The following TTLL4 variants were observed in gnomAD, a reference collection of about 807,000 sequenced individuals.
TTLL4 encodes the protein tubulin monoglutamylase TTLL4.
A neutral mutation model predicts 122.7 loss-of-function variants in TTLL4; 85 were observed. That is an observed-to-expected ratio of 0.69 (90% CI 0.58 to 0.83). The LOEUF is 0.83. TTLL4 is among the 40% of genes least tolerant of loss of function. The probability of loss-of-function intolerance (pLI) is 0.00; values close to 1 mark genes in which losing one functional copy is unlikely to be tolerated. For missense variants in TTLL4, 1,363 were observed against 1,488.6 expected, an observed-to-expected ratio of 0.92 and a Z score of 1.39; for synonymous variants, 553 against 563.0, an observed-to-expected ratio of 0.98 and a Z score of 0.25.
chr2:218,748,066 T>G, intron 11 of TTLL4, 39 bp from the exon 12 acceptor site: 1 of 1,613,806 alleles, frequency 6.2e-7, no homozygotes, highest in Non-Finnish European at 8.5e-7. Context: ...ATCTGCTCTG[T>G]TACCATCTTA....
downstream of TTLL4, among the ~76,000 whole-genome samples, chr2:218,755,835 G>A (rs1943141530): frequency 6.6e-6 from 1 of 152,136 alleles, no homozygotes; most frequent in South Asian, 2.1e-4. Context: ...GTGGCGAGGT[G>A]GGGTGGGGCC....
intron 6 of TTLL4, 66 bp downstream of exon 6, chr2:218,745,299 A>C: frequency 3.7e-6 from 6 of 1,605,038 alleles, no homozygotes; most frequent in Non-Finnish European, 5.1e-6. Flanking sequence ...CTAAGTTGGG[A>C]GGAGGTGGCA....
rs1040824008 is a variant in TTLL4 at position 218,754,659 on chromosome 2, C to G, written c.*270C>G. The stretch of plus-strand genomic sequence containing the variant: ...AGCAGAGAAGCCAGTGGTGGCCACG[C>G]AGCCTTATAAAGCAGGTTTTGGTTT... On this transcript the variant is annotated 3_prime_UTR_variant, in exon 20 of 20. Coordinates refer to ENST00000392102, the MANE Select transcript of TTLL4 (RefSeq NM_014640.5). 27 of 525,778 alleles carry G rather than the reference C, an allele frequency of 5.1e-5. No individual in the cohort carries two copies. Among genetic ancestry groups the G allele is most frequent in the Middle Eastern group, 5.0e-4 (1 of 2,018 alleles). The allele number at this position is 525,778 out of a possible 1,614,324, so 32.6% of individuals were successfully genotyped here.
intron 1 of TTLL4, among the ~76,000 whole-genome samples, chr2:218,726,098 G>A (rs905984861): frequency 1.3e-5 from 2 of 151,982 alleles, no homozygotes; most frequent in African/African-American, 4.8e-5. Context: ...CTTTTAAGAC[G>A]GGTCTGGTGG....
chr2:218,740,454 C>T, intron 4 of TTLL4, 67 bp from the exon 5 acceptor site: 2 of 1,543,592 alleles, frequency 1.3e-6, no homozygotes, highest in South Asian at 2.2e-5. Flanking sequence ...GGAAGAGTTG[C>T]CTAGGCTTGG....
chr2:218,756,195 G>A (rs541902343), downstream of TTLL4, among the ~76,000 whole-genome samples: 61 of 152,312 alleles, frequency 4.0e-4, no homozygotes, highest in South Asian at 0.012. Context: ...CCTAGGCACG[G>A]AGTCCTGGTT....
chr2:218,737,511 G>T, intron 2 of TTLL4, 68 bp from the exon 3 acceptor site: 1 of 813,366 alleles, frequency 1.2e-6, no homozygotes. Flanking sequence ...GCTTACCTGA[G>T]GACCACTGTA....
chr2:218,743,929 T>C (rs969731459), intron 5 of TTLL4, among the ~76,000 whole-genome samples: 4 of 152,220 alleles, frequency 2.6e-5, no homozygotes, highest in African/African-American at 9.6e-5. Context: ...TCCGCCTGCC[T>C]CAGCCTCCCA....
downstream of TTLL4, among the ~76,000 whole-genome samples, chr2:218,757,557 AAG>A (rs1236338363): frequency 1.3e-5 from 2 of 152,194 alleles, no homozygotes; most frequent in East Asian, 1.9e-4. Flanking sequence ...TACAGAAAAT[AAG>A]AGAACTTGAT....
chr2:218,735,038 T>G (rs1942478767), intron 2 of TTLL4, among the ~76,000 whole-genome samples: 1 of 152,192 alleles, frequency 6.6e-6, no homozygotes, highest in Admixed American at 6.5e-5. Flanking sequence ...TTTTGAATAT[T>G]GGCAGTGCTG....
chr2:218,747,398 C>T lies in TTLL4; in HGVS notation c.2249+26C>T. ...GTGAGCCTGTAGCACATATCCCTTA[C>T]CCCATCCTCCCACCTCCTTGGCCTC... On this transcript the variant is annotated intron_variant, in intron 10 of 19. Coordinates refer to ENST00000392102, the MANE Select transcript of TTLL4 (RefSeq NM_014640.5). The surrounding 1 kb of genome is among the most constrained non-coding windows in gnomAD (Gnocchi z 4.7). 1 of 1,610,336 alleles carries T rather than the reference C, an allele frequency of 6.2e-7. No individual in the cohort carries two copies.
chr2:218,750,183 A>G (rs750070325), intron 15 of TTLL4, 37 bp downstream of exon 15: 10 of 1,607,340 alleles, frequency 6.2e-6, no homozygotes, highest in South Asian at 1.1e-5. Context: ...TGCTGGCAGC[A>G]TGAGTAGCCC....
chr2:218,750,991 C>T (rs1943000254), intron 15 of TTLL4, among the ~76,000 whole-genome samples: 3 of 152,096 alleles, frequency 2.0e-5, no homozygotes, highest in South Asian at 4.1e-4. Flanking sequence ...TTCCAATAAC[C>T]CTGTAAGGTT....
At chr2:218,721,541 G>A (rs950280623) in intron 1 of TTLL4, among the ~76,000 whole-genome samples, 1 of 152,178 alleles carries the variant, frequency 6.6e-6, no homozygotes, top group Non-Finnish European at 1.5e-5. Context: ...TCCAGCTGGT[G>A]GCCTCTGGAG....
chr2:218,752,885 T>G lies in TTLL4; in HGVS notation c.3099T>G (p.Ser1033=), dbSNP rs1943060858. The change falls in exon 17 of 20, where the codon TCT becomes TCG. Residue 1033 remains serine (S), a synonymous_variant. Coordinates refer to ENST00000392102, the MANE Select transcript of TTLL4 (RefSeq NM_014640.5). ...GAATTTTTCCTTCTCATATCTCCTCTCGCTATCTCCGCTTTTTTGAGCAGC... is the reference window on the plus strand; with the variant it reads ...GAATTTTTCCTTCTCATATCTCCTCGCGCTATCTCCGCTTTTTTGAGCAGC... ...FERIFPSHIS[S]RYLRFFEQPR... 1 of 1,614,056 alleles carries G rather than the reference T, an allele frequency of 6.2e-7. No individual in the cohort carries two copies. Among genetic ancestry groups the G allele is most frequent in the African/African-American group, 1.3e-5 (1 of 74,918 alleles).
chr2:218,713,574 C>T (rs1941775702), intron 1 of TTLL4, among the ~76,000 whole-genome samples: 1 of 152,162 alleles, frequency 6.6e-6, no homozygotes, highest in South Asian at 2.1e-4. Flanking sequence ...ACTACTGTGT[C>T]TGGCCTAGAC....
Position 218,747,801 on chromosome 2 carries a change from C to A in TTLL4, c.2378+76C>A. 6.4e-7 allele frequency: 1 copy of A among 1,572,516 alleles called. No homozygotes were observed. Among genetic ancestry groups the A allele is most frequent in the Non-Finnish European group, 8.7e-7 (1 of 1,155,134 alleles). On this transcript the variant is annotated intron_variant, in intron 11 of 19. Transcript: ENST00000392102. The surrounding 1 kb of genome is among the most constrained non-coding windows in gnomAD (Gnocchi z 4.7). ...CCTTGGAGGGAGGGAAACTAGAAGA[C>A]ACCAAACAGAAAAATAGTTTTTGTT...
intron 2 of TTLL4, among the ~76,000 whole-genome samples, chr2:218,729,763 C>CAAAAAAA (rs1303308653): frequency 7.7e-6 from 1 of 129,772 alleles, no homozygotes; most frequent in Non-Finnish European, 1.7e-5. Context: ...AAAAAAAAAA[C>CAAAAAAA]AAAAAAAAAA....
chr2:218,717,464 A>G (rs1055587813), intron 1 of TTLL4, among the ~76,000 whole-genome samples: 2 of 151,664 alleles, frequency 1.3e-5, no homozygotes, highest in Admixed American at 6.6e-5. Flanking sequence ...AAACCCTTCC[A>G]CTGGTTTCAC....
Sources: gnomAD v4.1 joint callset for allele counts (sites outside exome capture counted in the v4.1 genomes callset) on GRCh38, gnomAD v4.1.1 for gene constraint, Gnocchi (gnomAD v3.1) non-coding constraint, MANE v1.5 for transcripts, NCBI Gene and HGNC (gene_info 2026-07-23, HGNC 2026-07-21) for gene names.